The following MECOM variants were observed in gnomAD, a reference collection of about 807,000 sequenced individuals.
The protein encoded by MECOM is histone-lysine N-methyltransferase MECOM.
Under a neutral mutation model 116.3 loss-of-function variants are expected in MECOM, and 13 were observed. That is an observed-to-expected ratio of 0.11 (90% CI 0.07 to 0.18). The LOEUF is 0.18. MECOM is among the 10% of genes least tolerant of loss of function. The pLI, the probability that MECOM is intolerant of heterozygous loss-of-function variation, is 1.00. For missense variants in MECOM, 1,299 were observed against 1,509.0 expected (o/e 0.86, Z 2.31); for synonymous variants, 528 against 535.2 (o/e 0.99, Z 0.19).
chr3:169,602,850 A>T (rs1043445310), intron 1 of MECOM, among the ~76,000 whole-genome samples: 2 of 152,166 alleles, frequency 1.3e-5, no homozygotes, highest in African/African-American at 4.8e-5. Flanking sequence ...CAAAAAAACT[A>T]TGTTCTGAAA....
chr3:169,266,335 T>C (rs1758297420), intron 2 of MECOM, among the ~76,000 whole-genome samples: 1 of 152,204 alleles, frequency 6.6e-6, no homozygotes, highest in South Asian at 2.1e-4. Context: ...ACCTGGGTAA[T>C]TATGCTATTG....
intron 2 of MECOM, among the ~76,000 whole-genome samples, chr3:169,284,435 C>G (rs1712833265): frequency 1.3e-5 from 2 of 152,218 alleles, no homozygotes; most frequent in East Asian, 3.9e-4. Context: ...AAGTTCCAAA[C>G]TGGTGGAGGA....
intron 1 of MECOM, among the ~76,000 whole-genome samples, chr3:169,577,182 G>A (rs542002306): frequency 1.7e-4 from 26 of 152,190 alleles, no homozygotes; most frequent in Non-Finnish European, 3.2e-4. Flanking sequence ...ATTTCACAGA[G>A]TTATTGTGAG....
chr3:169,105,260 G>T (rs1012285622), intron 10 of MECOM, among the ~76,000 whole-genome samples: 1 of 152,128 alleles, frequency 6.6e-6, no homozygotes, highest in Non-Finnish European at 1.5e-5. Flanking sequence ...TCAGACATCT[G>T]CTAGTTGGGG....
chr3:169,366,176 G>T (rs566218076), intron 2 of MECOM, among the ~76,000 whole-genome samples: 3 of 152,042 alleles, frequency 2.0e-5, no homozygotes, highest in Non-Finnish European at 2.9e-5. Flanking sequence ...ATACTGAACT[G>T]GTTGGGTCCC....
intron 1 of MECOM, among the ~76,000 whole-genome samples, chr3:169,474,449 G>C (rs1750034832): frequency 1.3e-5 from 2 of 152,124 alleles, no homozygotes; most frequent in African/African-American, 4.8e-5. Context: ...AATGTCAACA[G>C]AATGGTAATA....
intron 1 of MECOM, among the ~76,000 whole-genome samples, chr3:169,410,745 C>T (rs892799606): frequency 2.6e-5 from 4 of 152,030 alleles, no homozygotes; most frequent in Non-Finnish European, 4.4e-5. Context: ...AAAACACAGC[C>T]GCCCTTTTCC....
chr3:169,187,519 G>A (rs1259283897), intron 2 of MECOM, among the ~76,000 whole-genome samples: 1 of 152,034 alleles, frequency 6.6e-6, no homozygotes, highest in African/African-American at 2.4e-5. Flanking sequence ...CTGCTCTGTG[G>A]CAATATAGTT....
chr3:169,531,719 T>C (rs932285337), intron 1 of MECOM, among the ~76,000 whole-genome samples: 10 of 152,110 alleles, frequency 6.6e-5, no homozygotes, highest in African/African-American at 2.4e-4. Flanking sequence ...TCCACACAAA[T>C]GGTTACAAGT....
chr3:169,381,408 A>T lies in MECOM; in HGVS notation c.154T>A (p.Ser52Thr). Residue 52 changes from serine to threonine, a missense_variant, in exon 2 of 17, where the codon TCC (serine) becomes ACC (threonine). Physicochemically the swap from Ser to Thr is moderately conservative, Grantham distance 58. This residue lies in a region of MECOM where 374 missense variants were observed against 433.4 expected (regional missense o/e 0.86). Coordinates refer to ENST00000651503, the MANE Select transcript of MECOM (RefSeq NM_004991.4). ...NIQEPCSPAT[S>T]SEAFTPKEGS... ...TCCTTTGGAGTGAATGCTTCACTGGATGTGGCAGGAGAGCATGGCTCTTGA... is the reference window on the plus strand; with the variant it reads ...TCCTTTGGAGTGAATGCTTCACTGGTTGTGGCAGGAGAGCATGGCTCTTGA... 6.2e-7 allele frequency: 1 copy of T among 1,613,882 alleles called. No homozygotes were observed. Among genetic ancestry groups the T allele is most frequent in the Non-Finnish European group, 8.5e-7 (1 of 1,179,820 alleles).
intron 1 of MECOM, among the ~76,000 whole-genome samples, chr3:169,476,510 C>T (rs1750402444): frequency 6.6e-6 from 1 of 152,182 alleles, no homozygotes; most frequent in African/African-American, 2.4e-5. Flanking sequence ...TGCTCACATT[C>T]AGCGGCAGGG....
chr3:169,464,668 T>C (rs1748001772), intron 1 of MECOM, among the ~76,000 whole-genome samples: 1 of 152,140 alleles, frequency 6.6e-6, no homozygotes, highest in African/African-American at 2.4e-5. Flanking sequence ...TTGAGCTTTA[T>C]GGTCATATGT....
chr3:169,370,702 A>T (rs1050635756), intron 2 of MECOM, among the ~76,000 whole-genome samples: 1 of 151,926 alleles, frequency 6.6e-6, no homozygotes, highest in Non-Finnish European at 1.5e-5. Context: ...TAATAAAATA[A>T]CTCAATTTAA....
At chr3:169,616,518 G>A (rs536869249) in intron 1 of MECOM, among the ~76,000 whole-genome samples, 23 of 152,148 alleles carry the variant, frequency 1.5e-4, no homozygotes, top group Non-Finnish European at 3.1e-4. Context: ...GCTAATTTTT[G>A]TATTTTTTTA....
chr3:169,635,553 G>C (rs1348293685), intron 1 of MECOM, among the ~76,000 whole-genome samples: 2 of 152,208 alleles, frequency 1.3e-5, no homozygotes, highest in African/African-American at 4.8e-5. Flanking sequence ...AGCTCACATA[G>C]TTTTCTCTGC....
intron 1 of MECOM, among the ~76,000 whole-genome samples, chr3:169,403,146 A>G (rs1285516505): frequency 6.6e-6 from 1 of 152,156 alleles, no homozygotes; most frequent in Non-Finnish European, 1.5e-5. Flanking sequence ...TTATCCTCCC[A>G]TCCCAGAACT....
At chr3:169,220,072 A>G (rs1439487842) in intron 2 of MECOM, among the ~76,000 whole-genome samples, 1 of 152,034 alleles carries the variant, frequency 6.6e-6, no homozygotes, top group Non-Finnish European at 1.5e-5. Context: ...CATGCCTGCA[A>G]TCCCAACACT....
intron 2 of MECOM, among the ~76,000 whole-genome samples, chr3:169,340,139 C>T (rs1293847165): frequency 1.3e-5 from 2 of 152,146 alleles, no homozygotes; most frequent in South Asian, 2.1e-4. Flanking sequence ...TTTATCACCA[C>T]GATTTTTGCT....
At chr3:169,368,374 T>C (rs1042942634) in intron 2 of MECOM, among the ~76,000 whole-genome samples, 3 of 152,052 alleles carry the variant, frequency 2.0e-5, no homozygotes, top group Middle Eastern at 3.2e-3. Context: ...TCAAAATGAT[T>C]GTATGATTCT....
Sources: gnomAD v4.1 joint callset for allele counts (sites outside exome capture counted in the v4.1 genomes callset) on GRCh38, gnomAD v4.1.1 for gene constraint, gnomAD v4.1.1 regional missense constraint, MANE v1.5 for transcripts, NCBI Gene and HGNC (gene_info 2026-07-23, HGNC 2026-07-21) for gene names.